Variants in DSCAM observed in about 807,000 individuals in gnomAD.
DSCAM encodes the protein cell adhesion molecule DSCAM.
In DSCAM, 47 loss-of-function variants were observed where a neutral mutation model predicts 217.7. The observed-to-expected ratio is 0.22, with a 90% CI of 0.17 to 0.28. The LOEUF (loss-of-function observed/expected upper bound fraction) is 0.28. DSCAM is among the 10% of genes least tolerant of loss of function. The pLI is 1.00. For synonymous variants in DSCAM, 1,056 were observed against 1,015.3 expected, an observed-to-expected ratio of 1.04 and a Z score of -0.76; for missense variants, 2,080 against 2,618.3, an observed-to-expected ratio of 0.79 and a Z score of 4.49.
At chr21:40,358,538 G>A (rs2074720963) in intron 4 of DSCAM, among the ~76,000 whole-genome samples, 1 of 152,126 alleles carries the variant, frequency 6.6e-6, no homozygotes, top group African/African-American at 2.4e-5. Flanking sequence ...CCAGTGCGGT[G>A]ACTCACGCCT....
chr21:40,612,502 G>T (rs1259812295), intron 3 of DSCAM, among the ~76,000 whole-genome samples: 1 of 152,166 alleles, frequency 6.6e-6, no homozygotes, highest in Admixed American at 6.5e-5. Context: ...CCCCAAGTCA[G>T]ATTTGCCGCG....
rs1800004287 is a variant in DSCAM, at chr21:40,016,220, T to G, written c.5687-2834A>C. 6.6e-6 allele frequency among the ~76,000 whole-genome samples: 1 copy of G among 152,058 alleles called. No individual in the cohort carries two copies. Among genetic ancestry groups the G allele is most frequent in the African/African-American group, 2.4e-5 (1 of 41,380 alleles). Reference sequence around the variant, plus strand: ...AGAGAGGGAATTAAATTGTGAGATATGAAGGGGGTCCAAGGAAGGTGGCTT... The same window carrying G: ...AGAGAGGGAATTAAATTGTGAGATAGGAAGGGGGTCCAAGGAAGGTGGCTT... On this transcript the variant is annotated intron_variant, in intron 32 of 32. Transcript: ENST00000400454. This position sits in a 1 kb window ranked among gnomAD's most constrained non-coding sequence, Gnocchi z 4.3.
At chr21:40,492,888 T>C (rs2076087572) in intron 3 of DSCAM, among the ~76,000 whole-genome samples, 1 of 151,992 alleles carries the variant, frequency 6.6e-6, no homozygotes, top group Non-Finnish European at 1.5e-5. Context: ...AAGTCAAAAT[T>C]TTCAATCAGA....
chr21:40,305,262 T>C (rs2074059869), intron 9 of DSCAM, among the ~76,000 whole-genome samples: 1 of 151,898 alleles, frequency 6.6e-6, no homozygotes, highest in South Asian at 2.1e-4. Context: ...TGTTGGCACA[T>C]GCCTGTAATC....
intron 16 of DSCAM, among the ~76,000 whole-genome samples, chr21:40,166,627 G>C (rs1301926742): frequency 1.3e-5 from 2 of 152,204 alleles, no homozygotes; most frequent in Non-Finnish European, 2.9e-5. Flanking sequence ...TTACACTGTG[G>C]CTCAAGCTTT....
chr21:40,634,434 C>T (rs2089729265), intron 3 of DSCAM, among the ~76,000 whole-genome samples: 2 of 152,150 alleles, frequency 1.3e-5, no homozygotes, highest in Non-Finnish European at 1.5e-5. Flanking sequence ...TACTACACTC[C>T]CACTTGTGCA....
intron 11 of DSCAM, among the ~76,000 whole-genome samples, chr21:40,236,091 TG>T (rs1284904031): frequency 6.6e-6 from 1 of 152,170 alleles, no homozygotes; most frequent in Non-Finnish European, 1.5e-5. Flanking sequence ...TATATAAACT[TG>T]TTTCTGCCGA....
chr21:40,428,939 A>G (rs1010073876), intron 3 of DSCAM, among the ~76,000 whole-genome samples: 9 of 152,116 alleles, frequency 5.9e-5, no homozygotes, highest in Non-Finnish European at 7.4e-5. Context: ...CATTTTAGGT[A>G]CTTTTTCAAG....
intron 21 of DSCAM, among the ~76,000 whole-genome samples, chr21:40,090,654 C>T (rs975788162): frequency 3.9e-5 from 6 of 152,140 alleles, no homozygotes; most frequent in African/African-American, 1.4e-4. Flanking sequence ...TTTGCCTGCT[C>T]CCACTCCCTT....
rs1491367143 is a variant in DSCAM at position 40,637,650 on chromosome 21, T to TAA, written c.508+55159_508+55160insTT. Among the ~76,000 whole-genome samples the TAA allele has an allele frequency of 2.5e-4, 10 of 40,280 alleles. 1 individual carries two copies. The highest frequency in any genetic ancestry group is 7.5e-4 in the African/African-American group (6 of 7,986). 26.4% of individuals were successfully genotyped at this position (40,280 alleles called of 152,430 possible). A position where few individuals can be genotyped will look rare whatever the true frequency, so the allele number is the denominator to read the frequency against. On this transcript the variant is annotated intron_variant, in intron 3 of 32. Coordinates refer to ENST00000400454, the MANE Select transcript of DSCAM (RefSeq NM_001389.5). ...ATATATAAATATATATAAATATATA[T>TAA]CTATATATATATATATAAATTTTTT...
chr21:40,018,334 A>ATTAT (rs890191412), intron 32 of DSCAM, among the ~76,000 whole-genome samples: 2 of 151,966 alleles, frequency 1.3e-5, no homozygotes, highest in Non-Finnish European at 2.9e-5. Flanking sequence ...TGTTAATTTT[A>ATTAT]TTATTTATTT....
chr21:40,716,001 A>G (rs1473786538), intron 1 of DSCAM, among the ~76,000 whole-genome samples: 1 of 152,218 alleles, frequency 6.6e-6, no homozygotes, highest in African/African-American at 2.4e-5. Flanking sequence ...TCATTCCACA[A>G]GCCAGCTTGT....
intron 3 of DSCAM, among the ~76,000 whole-genome samples, chr21:40,491,095 C>A (rs540047584): frequency 6.6e-6 from 1 of 151,976 alleles, no homozygotes; most frequent in South Asian, 2.1e-4. Context: ...TTTTGTCTTA[C>A]GATATCATAA....
intron 15 of DSCAM, among the ~76,000 whole-genome samples, chr21:40,174,618 C>T (rs2090702314): frequency 2.6e-5 from 4 of 151,370 alleles, no homozygotes; most frequent in Admixed American, 2.6e-4. Context: ...GTTTGCTGAT[C>T]CTTCAATGAA....
At chr21:40,267,147 C>A (rs986566460) in intron 11 of DSCAM, among the ~76,000 whole-genome samples, 1 of 151,774 alleles carries the variant, frequency 6.6e-6, no homozygotes, top group African/African-American at 2.4e-5. Flanking sequence ...TCTATGTCAT[C>A]AAAGTCACTT....
intron 3 of DSCAM, among the ~76,000 whole-genome samples, chr21:40,551,155 T>G (rs2076626484): frequency 2.0e-5 from 3 of 152,220 alleles, no homozygotes; most frequent in Admixed American, 2.0e-4. Context: ...CCTGAGTACA[T>G]GAGCTGCAGG....
intron 3 of DSCAM, among the ~76,000 whole-genome samples, chr21:40,649,879 A>C (rs987897): frequency 6.6e-6 from 1 of 151,940 alleles, no homozygotes; most frequent in Admixed American, 6.5e-5. Context: ...TTCTGCAAGG[A>C]AACTTGGAGA....
chr21:40,388,519 G>T (rs1328313266), intron 3 of DSCAM, among the ~76,000 whole-genome samples: 2 of 152,072 alleles, frequency 1.3e-5, no homozygotes, highest in Admixed American at 1.3e-4. Context: ...TCTTAACCTG[G>T]CAGGCATCTC....
chr21:40,193,282 C>T (rs2090971441), intron 11 of DSCAM, among the ~76,000 whole-genome samples: 1 of 152,152 alleles, frequency 6.6e-6, no homozygotes, highest in Admixed American at 6.6e-5. Flanking sequence ...CATGGATCTG[C>T]CATCACAGAG....
Sources: allele counts gnomAD v4.1 joint callset (sites outside exome capture counted in the v4.1 genomes callset), GRCh38; gene constraint gnomAD v4.1.1; non-coding constraint Gnocchi (gnomAD v3.1); transcripts MANE v1.5; gene names NCBI Gene and HGNC (gene_info 2026-07-23, HGNC 2026-07-21).